The following AMZ2 variants were observed in gnomAD, a reference collection of about 807,000 sequenced individuals.
AMZ2 encodes the protein archaelysin family metallopeptidase 2.
A neutral mutation model predicts 36.7 loss-of-function variants in AMZ2; 26 were observed. That is an observed-to-expected ratio of 0.71 (90% confidence interval 0.52 to 0.98). The LOEUF (loss-of-function observed/expected upper bound fraction) is 0.98, where lower values mean the gene tolerates loss of function less well. Among genes scored for constraint, AMZ2 ranks in the 50% least tolerant of loss-of-function variants. The pLI, the probability that AMZ2 is intolerant of heterozygous loss-of-function variation, is 0.00. For synonymous variants in AMZ2, 144 were observed against 149.1 expected (o/e 0.97, Z 0.25); for missense variants, 394 against 430.5 (o/e 0.92, Z 0.75).
intron 1 of AMZ2, among the ~76,000 whole-genome samples, chr17:68,232,771 G>T (rs1305242264): frequency 6.6e-6 from 1 of 151,954 alleles, no homozygotes; most frequent in African/African-American, 2.4e-5. Context: ...TTGAACCTAG[G>T]GGGTGGAGGT....
intron 5 of AMZ2, 107 bp downstream of exon 5, chr17:68,254,674 A>G: frequency 9.4e-7 from 1 of 1,068,396 alleles, no homozygotes; most frequent in Non-Finnish European, 1.3e-6. Flanking sequence ...AGTTTGTATC[A>G]TTTGTATAAT....
chr17:68,246,193 T>TAAA (rs2074001260), upstream of AMZ2, among the ~76,000 whole-genome samples: 1 of 20,850 alleles, frequency 4.8e-5, no homozygotes, highest in African/African-American at 2.1e-4. Context: ...CTACTAAAAA[T>TAAA]ACAAAAAAAA....
chr17:68,255,902 A>C, intron 6 of AMZ2, 26 bp downstream of exon 6: 1 of 1,609,204 alleles, frequency 6.2e-7, no homozygotes, highest in Non-Finnish European at 8.5e-7. Flanking sequence ...GACAGTCTAA[A>C]GAGGGGGAAG....
intron 1 of AMZ2, among the ~76,000 whole-genome samples, chr17:68,221,404 G>A (rs2073362341): frequency 6.6e-6 from 1 of 152,088 alleles, no homozygotes; most frequent in Non-Finnish European, 1.5e-5. Flanking sequence ...GCAGGAAAGG[G>A]TGCATGCCAG....
chr17:68,254,708 A>AC, intron 5 of AMZ2, 141 bp downstream of exon 5: 1 of 725,078 alleles, frequency 1.4e-6, no homozygotes, highest in Non-Finnish European at 2.2e-6. Context: ...GCTTGACTGA[A>AC]ATGATCAGTA....
chr17:68,209,632 A>ATATATATATATT, intron 1 of AMZ2, among the ~76,000 whole-genome samples: 1 of 90,700 alleles, frequency 1.1e-5, no homozygotes, highest in African/African-American at 5.0e-5. Context: ...ATATATATAT[A>ATATATATATATT]TTTTTTTTTT....
At chr17:68,247,859 C>T (rs1410388912), upstream of AMZ2, 5 of 985,402 alleles carry the variant, frequency 5.1e-6, no homozygotes, top group East Asian at 1.1e-4. Flanking sequence ...CCCTCGCTAC[C>T]CTCTATTCTG....
At chr17:68,233,654 T>C (rs1424624041) in intron 1 of AMZ2, among the ~76,000 whole-genome samples, 3 of 152,156 alleles carry the variant, frequency 2.0e-5, no homozygotes, top group African/African-American at 7.2e-5. Context: ...ATTCTCTCTA[T>C]GAGCTTGGAT....
chr17:68,220,700 G>C (rs1440681497), intron 1 of AMZ2, among the ~76,000 whole-genome samples: 13 of 151,728 alleles, frequency 8.6e-5, no homozygotes, highest in African/African-American at 2.7e-4. Context: ...GAGGGGACTA[G>C]ATAAAATGCT....
intron 1 of AMZ2, chr17:68,249,129 C>G: frequency 8.5e-7 from 1 of 1,174,112 alleles, no homozygotes; most frequent in Non-Finnish European, 1.1e-6. Context: ...CATCTGATGT[C>G]TTCCCTAATG....
chr17:68,253,956 G>T (rs1306012453), intron 4 of AMZ2, among the ~76,000 whole-genome samples: 3 of 152,006 alleles, frequency 2.0e-5, no homozygotes, highest in African/African-American at 7.3e-5. Context: ...TGTTAGCCAG[G>T]CTGGTCTTGA....
At chr17:68,222,683 A>G (rs1555728857) in intron 1 of AMZ2, among the ~76,000 whole-genome samples, 2 of 152,150 alleles carry the variant, frequency 1.3e-5, no homozygotes, top group Non-Finnish European at 2.9e-5. Context: ...GGAGTGCTCA[A>G]TCTAGATCCC....
chr17:68,248,161 G>T lies in AMZ2; in HGVS notation c.-545G>T. On this transcript the variant is annotated 5_prime_UTR_variant, in exon 1 of 7. It adds an upstream start codon to the 5' untranslated region. Transcript: ENST00000359904. ...AGAGCTGGGCCGGGGCCCCTAGGCA[G>T]GGTAGCCGGGTCGTAGAGGCGGGGG... 1 of 986,460 alleles carries T rather than the reference G, an allele frequency of 1.0e-6. No individual in the cohort carries two copies. Among genetic ancestry groups the T allele is most frequent in the South Asian group, 4.7e-5 (1 of 21,350 alleles). 61.1% of individuals were successfully genotyped at this position (986,460 alleles called of 1,614,324 possible). A position where few individuals can be genotyped will look rare whatever the true frequency, so the allele number is the denominator to read the frequency against.
intron 1 of AMZ2, among the ~76,000 whole-genome samples, chr17:68,224,700 T>C (rs2073466593): frequency 6.6e-6 from 1 of 152,104 alleles, no homozygotes; most frequent in Non-Finnish European, 1.5e-5. Context: ...CGACAACATC[T>C]GGTTAATTTT....
chr17:68,217,027 C>A (rs539961644), intron 1 of AMZ2, among the ~76,000 whole-genome samples: 1 of 129,996 alleles, frequency 7.7e-6, no homozygotes, highest in South Asian at 2.5e-4. Flanking sequence ...AGCGAGACTC[C>A]GTCTCAAAAA....
chr17:68,212,873 T>C (rs189824269), intron 1 of AMZ2, among the ~76,000 whole-genome samples: 50 of 152,298 alleles, frequency 3.3e-4, no homozygotes, highest in African/African-American at 1.2e-3. Context: ...TGGCCAATTT[T>C]TTCCTTTTAC....
At chr17:68,247,490 G>C (rs1249177229), upstream of AMZ2, 3 of 356,960 alleles carry the variant, frequency 8.4e-6, no homozygotes, top group Non-Finnish European at 1.2e-5. Flanking sequence ...TCAGCATCCG[G>C]GTTTCGGCCT....
At chr17:68,254,325 G>A (rs1363542891) in intron 4 of AMZ2, 79 bp from the exon 5 acceptor site, 3 of 1,427,072 alleles carry the variant, frequency 2.1e-6, no homozygotes, top group African/African-American at 2.9e-5. Flanking sequence ...TGGCCAGATG[G>A]GCCAGCAGTC....
At chr17:68,241,920 T>C (rs1386302951) in intron 1 of AMZ2, among the ~76,000 whole-genome samples, 1 of 150,948 alleles carries the variant, frequency 6.6e-6, no homozygotes, top group East Asian at 1.9e-4. Context: ...TTTTTTTTTT[T>C]TTGTAGCAGA....
Sources: allele counts gnomAD v4.1 joint callset (sites outside exome capture counted in the v4.1 genomes callset), GRCh38; gene constraint gnomAD v4.1.1; transcripts MANE v1.5; gene names NCBI Gene and HGNC (gene_info 2026-07-23, HGNC 2026-07-21).